Variants in CDK19 observed in about 807,000 individuals in gnomAD.
CDK19 encodes cyclin dependent kinase 19.
A neutral mutation model predicts 68.3 loss-of-function variants in CDK19; 20 were observed. The ratio of observed to expected loss-of-function variants is 0.29; its 90% confidence interval spans 0.21 to 0.43. CDK19 has a LOEUF of 0.43. Among genes scored for constraint, CDK19 ranks in the 20% least tolerant of loss-of-function variants. The pLI, the probability that CDK19 is intolerant of heterozygous loss-of-function variation, is 1.00. For missense variants in CDK19, 339 were observed against 623.5 expected, an observed-to-expected ratio of 0.54 and a Z score of 4.86; for synonymous variants, 221 against 222.8, an observed-to-expected ratio of 0.99 and a Z score of 0.07.
At chr6:110,812,918 A>T (rs1230989779) in intron 1 of CDK19, among the ~76,000 whole-genome samples, 1 of 152,116 alleles carries the variant, frequency 6.6e-6, no homozygotes, top group Non-Finnish European at 1.5e-5. Context: ...CCAACCCACA[A>T]GAGACGTGGG....
chr6:110,770,127 T>C (rs545782369), intron 1 of CDK19, among the ~76,000 whole-genome samples: 1 of 152,310 alleles, frequency 6.6e-6, no homozygotes, highest in South Asian at 2.1e-4. Flanking sequence ...ACTTGGTTCA[T>C]TGTAAAATGG....
intron 1 of CDK19, among the ~76,000 whole-genome samples, chr6:110,810,535 G>A (rs567921354): frequency 1.3e-5 from 2 of 152,300 alleles, no homozygotes; most frequent in Admixed American, 1.3e-4. Context: ...AGCACTTTGG[G>A]AGGCCGAGGC....
chr6:110,689,910 A>C (rs1772828010), intron 2 of CDK19, among the ~76,000 whole-genome samples: 5 of 152,172 alleles, frequency 3.3e-5, no homozygotes, highest in Admixed American at 2.6e-4. Context: ...GGGGAAGTGC[A>C]CCATATCAAA....
intron 1 of CDK19, among the ~76,000 whole-genome samples, chr6:110,751,859 T>C (rs62420303): frequency 1.3e-5 from 2 of 149,668 alleles, no homozygotes; most frequent in African/African-American, 4.9e-5. Context: ...ATTGGTCAGA[T>C]TAAAAAAAAA....
intron 2 of CDK19, among the ~76,000 whole-genome samples, chr6:110,733,946 C>A (rs150777711): frequency 2.0e-5 from 3 of 152,048 alleles, no homozygotes; most frequent in African/African-American, 7.2e-5. Flanking sequence ...TCCTTTTGAT[C>A]ATTTTTAGTT....
intron 12 of CDK19, among the ~76,000 whole-genome samples, chr6:110,618,268 G>A (rs1778473617): frequency 6.6e-6 from 1 of 152,142 alleles, no homozygotes; most frequent in African/African-American, 2.4e-5. Flanking sequence ...AAGTAGTTGG[G>A]ATTACAGGCT....
intron 1 of CDK19, among the ~76,000 whole-genome samples, chr6:110,780,148 A>G (rs560075447): frequency 1.8e-4 from 27 of 151,536 alleles, no homozygotes; most frequent in Non-Finnish European, 3.7e-4. Context: ...AACCCAGGAG[A>G]TGGAGGTTGC....
chr6:110,804,414 C>G (rs1329969121), intron 1 of CDK19, among the ~76,000 whole-genome samples: 1 of 151,804 alleles, frequency 6.6e-6, no homozygotes, highest in Non-Finnish European at 1.5e-5. Context: ...GCGATCTCGG[C>G]TCACTGAAAC....
intron 2 of CDK19, among the ~76,000 whole-genome samples, chr6:110,697,606 A>G (rs893338885): frequency 6.6e-6 from 1 of 152,144 alleles, no homozygotes; most frequent in South Asian, 2.1e-4. Context: ...CATAAATTCA[A>G]TGCAATTCCC....
chr6:110,733,794 C>T (rs1776952348), intron 2 of CDK19, among the ~76,000 whole-genome samples: 1 of 151,972 alleles, frequency 6.6e-6, no homozygotes, highest in Non-Finnish European at 1.5e-5. Context: ...CAACTATTAA[C>T]TTTTTCTGGT....
intron 5 of CDK19, among the ~76,000 whole-genome samples, chr6:110,635,281 C>A (rs1779693336): frequency 6.6e-6 from 1 of 152,150 alleles, no homozygotes; most frequent in African/African-American, 2.4e-5. Flanking sequence ...GATGCTAAGT[C>A]CCCTGGGGGA....
At chr6:110,711,136 C>T (rs1774909980) in intron 2 of CDK19, among the ~76,000 whole-genome samples, 2 of 151,880 alleles carry the variant, frequency 1.3e-5, no homozygotes, top group Non-Finnish European at 2.9e-5. Context: ...ACTAATAAAA[C>T]CTAATGAAAA....
intron 1 of CDK19, among the ~76,000 whole-genome samples, chr6:110,790,794 T>G (rs1048142398): frequency 9.2e-5 from 14 of 152,130 alleles, no homozygotes; most frequent in Non-Finnish European, 1.8e-4. Flanking sequence ...TTTATAATAA[T>G]AAAAAGTTAT....
intron 1 of CDK19, among the ~76,000 whole-genome samples, chr6:110,770,121 G>T (rs1014344532): frequency 2.0e-5 from 3 of 152,148 alleles, no homozygotes; most frequent in Admixed American, 2.0e-4. Context: ...AGTGAAACTT[G>T]GTTCATTGTA....
chr6:110,803,997 A>C (rs900224918), intron 1 of CDK19, among the ~76,000 whole-genome samples: 4 of 152,188 alleles, frequency 2.6e-5, no homozygotes, highest in African/African-American at 9.6e-5. Context: ...AAAGAAATAC[A>C]GAACGAAAAG....
At chr6:110,710,371 G>T (rs1774851979) in intron 2 of CDK19, among the ~76,000 whole-genome samples, 1 of 152,172 alleles carries the variant, frequency 6.6e-6, no homozygotes, top group South Asian at 2.1e-4. Context: ...GCCAGAATTG[G>T]CTGACTTGTC....
intron 1 of CDK19, among the ~76,000 whole-genome samples, chr6:110,801,321 C>CA (rs1322775351): frequency 6.6e-6 from 1 of 151,872 alleles, no homozygotes; most frequent in Non-Finnish European, 1.5e-5. Context: ...CCTGTCTCCA[C>CA]AAAAAATTTA....
At chr6:110,719,972 G>GCCCCCCCCCCCCCCCCCCCCCCCCC (rs1167384607) in intron 2 of CDK19, among the ~76,000 whole-genome samples, 37 of 45,550 alleles carry the variant, frequency 8.1e-4, no homozygotes, top group Admixed American at 1.3e-3. Flanking sequence ...CTTGTGATCC[G>GCCCCCCCCCCCCCCCCCCCCCCCCC]CCCCCCCCCC....
At chr6:110,703,951 A>G (rs1286159318) in intron 2 of CDK19, among the ~76,000 whole-genome samples, 1 of 152,218 alleles carries the variant, frequency 6.6e-6, no homozygotes, top group Admixed American at 6.5e-5. Flanking sequence ...TTAAAGTTAG[A>G]GTGTTTACCT....
Sources: gnomAD v4.1 joint callset for allele counts (sites outside exome capture counted in the v4.1 genomes callset) on GRCh38, gnomAD v4.1.1 for gene constraint, MANE v1.5 for transcripts, NCBI Gene and HGNC (gene_info 2026-07-23, HGNC 2026-07-21) for gene names.